Variants in SMOC2 observed in about 807,000 individuals in gnomAD.
SMOC2 encodes SPARC related modular calcium binding 2.
In SMOC2, 39 loss-of-function variants were observed where a neutral mutation model predicts 61.4. That is an observed-to-expected ratio of 0.64 (90% CI 0.49 to 0.83). SMOC2 has a LOEUF of 0.83. SMOC2 is among the 40% of genes least tolerant of loss of function. The pLI is 0.00. For missense variants in SMOC2, 556 were observed against 592.9 expected (o/e 0.94, Z 0.65); for synonymous variants, 247 against 239.9 (o/e 1.03, Z -0.27).
intron 1 of SMOC2, among the ~76,000 whole-genome samples, chr6:168,460,370 A>G (rs1348607797): frequency 6.6e-6 from 1 of 152,252 alleles, no homozygotes; most frequent in African/African-American, 2.4e-5. Context: ...GTACTACCCA[A>G]CAACTTTGGG....
chr6:168,520,134 CTG>C (rs1225330276), intron 2 of SMOC2, among the ~76,000 whole-genome samples: 3 of 152,164 alleles, frequency 2.0e-5, no homozygotes, highest in Admixed American at 6.5e-5. Flanking sequence ...CTGCAGACCA[CTG>C]GGGTTGGGGG....
intron 2 of SMOC2, among the ~76,000 whole-genome samples, chr6:168,517,999 C>T (rs1014050002): frequency 6.6e-6 from 1 of 152,244 alleles, no homozygotes; most frequent in Non-Finnish European, 1.5e-5. Flanking sequence ...CCAAAGAATT[C>T]TTTCTCTCTG....
intron 9 of SMOC2, among the ~76,000 whole-genome samples, chr6:168,627,320 A>G (rs938482862): frequency 4.6e-5 from 7 of 152,178 alleles, no homozygotes; most frequent in Admixed American, 1.3e-4. Context: ...AGGTGAGTGC[A>G]CTGTTAGCTG....
intron 1 of SMOC2, among the ~76,000 whole-genome samples, chr6:168,490,305 A>G (rs970862177): frequency 2.0e-5 from 3 of 152,166 alleles, no homozygotes; most frequent in Non-Finnish European, 4.4e-5. Context: ...CTTGGATCAC[A>G]CTGTTTTAGA....
intron 7 of SMOC2, among the ~76,000 whole-genome samples, chr6:168,576,747 G>C (rs910622252): frequency 6.6e-6 from 1 of 152,070 alleles, no homozygotes; most frequent in African/African-American, 2.4e-5. Flanking sequence ...AAGCAAAGTA[G>C]AAGGAAGGTT....
At chr6:168,620,031 C>T (rs558550738) in intron 9 of SMOC2, among the ~76,000 whole-genome samples, 1 of 152,372 alleles carries the variant, frequency 6.6e-6, no homozygotes, top group African/African-American at 2.4e-5. Flanking sequence ...TTCAGGTCTT[C>T]AGATCCCCTG....
chr6:168,500,845 G>A (rs537721315), intron 1 of SMOC2, among the ~76,000 whole-genome samples: 22 of 152,310 alleles, frequency 1.4e-4, no homozygotes, highest in African/African-American at 4.3e-4. Flanking sequence ...GGGGCATCTC[G>A]ATTCTCACTG....
chr6:168,573,995 T>C (rs1035787408), intron 7 of SMOC2, among the ~76,000 whole-genome samples: 1 of 152,200 alleles, frequency 6.6e-6, no homozygotes, highest in Admixed American at 6.5e-5. Context: ...GGGGGAGGGA[T>C]GGGTGGACCC....
At chr6:168,659,034 G>C (rs1373670671) in intron 11 of SMOC2, among the ~76,000 whole-genome samples, 2 of 147,168 alleles carry the variant, frequency 1.4e-5, no homozygotes, top group Non-Finnish European at 3.0e-5. Flanking sequence ...GGTGTGGTGT[G>C]TATGTGTGTG....
At chr6:168,457,585 C>A (rs564051559) in intron 1 of SMOC2, among the ~76,000 whole-genome samples, 1 of 152,196 alleles carries the variant, frequency 6.6e-6, no homozygotes, top group Non-Finnish European at 1.5e-5. Context: ...ATGAGCCCCG[C>A]GTCACGTCCT....
intron 11 of SMOC2, among the ~76,000 whole-genome samples, chr6:168,657,418 A>G (rs1310402614): frequency 2.0e-5 from 3 of 152,248 alleles, no homozygotes; most frequent in Non-Finnish European, 4.4e-5. Context: ...CCACACCAGC[A>G]TACACCTGCA....
At chr6:168,448,309 GCTGGGGAGGAGGATGGCA>G (rs1394929428) in intron 1 of SMOC2, among the ~76,000 whole-genome samples, 4 of 152,298 alleles carry the variant, frequency 2.6e-5, no homozygotes, top group Non-Finnish European at 4.4e-5. Flanking sequence ...CTCCCAGGAG[GCTGGGGAGGAGGATGGCA>G]CTGGGGAGGA....
Position 168,597,094 on chromosome 6 carries a change from G to A in SMOC2, c.638-1724G>A, listed in dbSNP as rs552790096. On this transcript the variant is annotated intron_variant, in intron 7 of 12. Transcript: ENST00000356284. Reference sequence around the variant, plus strand: ...ACTCTTTCAAGTGGCTGAGTACAGCGTATGAGGTTGCCAGGGGAGAATGAT... The same window carrying A: ...ACTCTTTCAAGTGGCTGAGTACAGCATATGAGGTTGCCAGGGGAGAATGAT... 5.9e-5 allele frequency among the ~76,000 whole-genome samples: 9 copies of A among 152,350 alleles called. No individual in the cohort carries two copies. The South Asian group carries it at 1.0e-3, about 18-fold the overall frequency.
intron 5 of SMOC2, 139 bp downstream of exon 5, chr6:168,543,811 C>G: frequency 1.3e-6 from 1 of 772,730 alleles, no homozygotes. Flanking sequence ...TGCATTCATT[C>G]AGCAATGCCA....
At chr6:168,662,063 C>T (rs964911491) in intron 11 of SMOC2, among the ~76,000 whole-genome samples, 1 of 152,182 alleles carries the variant, frequency 6.6e-6, no homozygotes, top group African/African-American at 2.4e-5. Context: ...TTGCTCTTTA[C>T]TCCATGTTTT....
At chr6:168,584,934 A>T (rs1160734419) in intron 7 of SMOC2, among the ~76,000 whole-genome samples, 1 of 152,132 alleles carries the variant, frequency 6.6e-6, no homozygotes, top group Non-Finnish European at 1.5e-5. Flanking sequence ...CTTGGAAGCA[A>T]CTGCTCTTTT....
intron 2 of SMOC2, among the ~76,000 whole-genome samples, chr6:168,521,980 T>C (rs1783339635): frequency 6.6e-6 from 1 of 152,240 alleles, no homozygotes; most frequent in Non-Finnish European, 1.5e-5. Context: ...TAAAAATAGA[T>C]GACAAAATTC....
At chr6:168,574,928 C>T (rs1028992080) in intron 7 of SMOC2, among the ~76,000 whole-genome samples, 20 of 152,170 alleles carry the variant, frequency 1.3e-4, no homozygotes, top group Admixed American at 2.6e-4. Flanking sequence ...TGCCGGGGTG[C>T]GGGGGCTGCT....
At chr6:168,663,640 TG>T in intron 11 of SMOC2, among the ~76,000 whole-genome samples, 1 of 152,306 alleles carries the variant, frequency 6.6e-6, no homozygotes, top group Non-Finnish European at 1.5e-5. Context: ...ACTCATAATT[TG>T]TGTTGAATGT....
Sources: allele counts gnomAD v4.1 joint callset (sites outside exome capture counted in the v4.1 genomes callset), GRCh38; gene constraint gnomAD v4.1.1; transcripts MANE v1.5; gene names NCBI Gene and HGNC (gene_info 2026-07-23, HGNC 2026-07-21).